Variants in NEK1 observed in about 807,000 individuals in gnomAD.
NEK1 encodes serine/threonine-protein kinase Nek1.
NEK1 carries 137 observed loss-of-function variants against 182.1 expected under a neutral mutation model. The ratio of observed to expected loss-of-function variants is 0.75; its 90% CI spans 0.65 to 0.87. The LOEUF is 0.87. Ranked by LOEUF, NEK1 falls within the 40% of genes least tolerant of loss-of-function variation. NEK1 has a pLI of 0.00. For synonymous variants in NEK1, 513 were observed against 492.2 expected (o/e 1.04, Z -0.56); for missense variants, 1,391 against 1,494.4 (o/e 0.93, Z 1.14).
chr4:169,557,300 C>G (rs11728394), intron 16 of NEK1, among the ~76,000 whole-genome samples: 3 of 151,596 alleles, frequency 2.0e-5, no homozygotes, highest in Non-Finnish European at 1.5e-5. Flanking sequence ...ACTCAACCAC[C>G]GAGACATAAG....
intron 23 of NEK1, among the ~76,000 whole-genome samples, chr4:169,484,516 T>C (rs1211084321): frequency 6.6e-6 from 1 of 152,136 alleles, no homozygotes; most frequent in Non-Finnish European, 1.5e-5. Context: ...CTGAGGGGAC[T>C]GTAAATTAGA....
At chr4:169,538,638 G>A (rs1211137663) in intron 18 of NEK1, among the ~76,000 whole-genome samples, 1 of 151,970 alleles carries the variant, frequency 6.6e-6, no homozygotes, top group Non-Finnish European at 1.5e-5. Flanking sequence ...ATAAAACCCA[G>A]CCCCAGTAAT....
At chr4:169,499,931 A>G (rs1441535855) in intron 23 of NEK1, among the ~76,000 whole-genome samples, 1 of 151,732 alleles carries the variant, frequency 6.6e-6, no homozygotes, top group Non-Finnish European at 1.5e-5. Context: ...CAAAGCTGTC[A>G]GACAGGGACA....
intron 23 of NEK1, among the ~76,000 whole-genome samples, chr4:169,481,302 A>G (rs1010928182): frequency 1.3e-5 from 2 of 152,260 alleles, no homozygotes; most frequent in African/African-American, 4.8e-5. Context: ...CATGAATCAA[A>G]AAAGTTCTGA....
intron 23 of NEK1, among the ~76,000 whole-genome samples, chr4:169,503,856 A>G (rs953205173): frequency 5.3e-5 from 8 of 152,148 alleles, no homozygotes; most frequent in Non-Finnish European, 1.2e-4. Flanking sequence ...CAACCTAAGT[A>G]AAAATGGACA....
chr4:169,509,032 A>G (rs1223263740), intron 19 of NEK1, among the ~76,000 whole-genome samples, 180 bp from the exon 20 acceptor site: 2 of 152,194 alleles, frequency 1.3e-5, no homozygotes, highest in Non-Finnish European at 1.5e-5. Flanking sequence ...ATTTAGTGAG[A>G]ACAGAAGGAA....
rs915821925 is a variant in NEK1 at position 169,563,099 on chromosome 4, C to G, written c.1021-903G>C. Among the ~76,000 whole-genome samples, 5 of 152,252 alleles carry G rather than the reference C, an allele frequency of 3.3e-5. No individual in the cohort carries two copies. The South Asian group carries it at 6.2e-4, about 19-fold the overall frequency. ...GGCGGGACTGATGTGGTAGCTCACA[C>G]CTGTAATCCTAGCACTTTGGGAGGC... On this transcript the variant is annotated intron_variant, in intron 12 of 35. Coordinates refer to ENST00000507142, the MANE Select transcript of NEK1 (RefSeq NM_001199397.3).
intron 26 of NEK1, among the ~76,000 whole-genome samples, chr4:169,470,045 T>G (rs1036679020): frequency 6.6e-6 from 1 of 151,790 alleles, no homozygotes; most frequent in African/African-American, 2.4e-5. Flanking sequence ...TGGGTCTCCT[T>G]AATACAGCAC....
At chr4:169,596,819 C>T (rs1581053961) in intron 5 of NEK1, among the ~76,000 whole-genome samples, 1 of 152,142 alleles carries the variant, frequency 6.6e-6, no homozygotes, top group Admixed American at 6.5e-5. Flanking sequence ...TAAATAGCAT[C>T]CTTATTTGTG....
At chr4:169,408,791 A>T (rs980332510) in intron 31 of NEK1, among the ~76,000 whole-genome samples, 3 of 152,196 alleles carry the variant, frequency 2.0e-5, no homozygotes, top group Admixed American at 1.3e-4. Flanking sequence ...GTTGCTGCAA[A>T]AGACATTATT....
intron 12 of NEK1, 130 bp downstream of exon 12, chr4:169,576,798 A>G: frequency 1.1e-6 from 1 of 883,378 alleles, no homozygotes; most frequent in Non-Finnish European, 1.7e-6. Context: ...CTGGTAAAAC[A>G]CAGAAGGAGG....
At chr4:169,596,851 A>C (rs1395776095) in intron 5 of NEK1, among the ~76,000 whole-genome samples, 1 of 152,184 alleles carries the variant, frequency 6.6e-6, no homozygotes, top group Admixed American at 6.5e-5. Flanking sequence ...TGCTATTCAG[A>C]AGGGTAGAAA....
chr4:169,424,913 G>T, intron 30 of NEK1, 113 bp from the exon 31 acceptor site: 7 of 1,110,784 alleles, frequency 6.3e-6, no homozygotes, highest in South Asian at 4.5e-5. Flanking sequence ...CCACATATCA[G>T]GAAAATAAAA....
chr4:169,541,020 A>G (rs546445715), intron 18 of NEK1, among the ~76,000 whole-genome samples: 62 of 152,242 alleles, frequency 4.1e-4, no homozygotes, highest in Non-Finnish European at 7.8e-4. Context: ...TTACTGATAA[A>G]GAAAATTTAA....
intron 23 of NEK1, among the ~76,000 whole-genome samples, chr4:169,485,174 T>C (rs1473238612): frequency 6.6e-6 from 1 of 152,216 alleles, no homozygotes; most frequent in Non-Finnish European, 1.5e-5. Flanking sequence ...TGTTCTATAA[T>C]CAAATGCATA....
rs555934535 is a variant in NEK1 at position 169,542,908 on chromosome 4, T to C, written c.1563-4997A>G. 5.9e-5 allele frequency among the ~76,000 whole-genome samples: 9 copies of C among 152,342 alleles called. 1 individual carries two copies. The highest frequency in any genetic ancestry group is 1.9e-4 in the African/African-American group (8 of 41,580). On this transcript the variant is annotated intron_variant, in intron 18 of 35. Coordinates refer to ENST00000507142, the MANE Select transcript of NEK1 (RefSeq NM_001199397.3). ...ATTAGCCCTTTGTCAGATGAATAGA[T>C]TGCAAAATTTTTCTCCCATTCTGTA...
intron 27 of NEK1, among the ~76,000 whole-genome samples, chr4:169,441,953 G>A (rs906509042): frequency 1.3e-5 from 2 of 152,036 alleles, no homozygotes; most frequent in Non-Finnish European, 2.9e-5. Context: ...ACCTTCCAGA[G>A]GGCCCTGAGA....
intron 35 of NEK1, among the ~76,000 whole-genome samples, chr4:169,395,968 T>A (rs1036110569): frequency 1.3e-5 from 2 of 152,246 alleles, no homozygotes; most frequent in Non-Finnish European, 2.9e-5. Flanking sequence ...ACAGTCGGAA[T>A]TTAATTCATT....
chr4:169,594,233 A>G (rs1164456167), intron 5 of NEK1, among the ~76,000 whole-genome samples: 2 of 152,212 alleles, frequency 1.3e-5, no homozygotes, highest in Non-Finnish European at 2.9e-5. Flanking sequence ...AGCACCAAAC[A>G]GTACCACAAT....
Sources: allele counts gnomAD v4.1 joint callset (sites outside exome capture counted in the v4.1 genomes callset), GRCh38; gene constraint gnomAD v4.1.1; transcripts MANE v1.5; gene names NCBI Gene and HGNC (gene_info 2026-07-23, HGNC 2026-07-21).